LRRC4C: variants seen among roughly 807,000 people sequenced by gnomAD.
The protein encoded by LRRC4C is leucine-rich repeat-containing protein 4C.
Under a neutral mutation model 33.6 loss-of-function variants are expected in LRRC4C, and 5 were observed. The observed-to-expected ratio is 0.15, with a 90% CI of 0.08 to 0.31. LRRC4C has a LOEUF of 0.31. Among genes scored for constraint, LRRC4C ranks in the 10% least tolerant of loss-of-function variants. The pLI is 1.00. For missense variants in LRRC4C, 560 were observed against 796.7 expected, an observed-to-expected ratio of 0.70 and a Z score of 3.58; for synonymous variants, 329 against 302.0, an observed-to-expected ratio of 1.09 and a Z score of -0.93.
At chr11:41,249,611 T>C (rs934401081) in intron 1 of LRRC4C, among the ~76,000 whole-genome samples, 9 of 152,160 alleles carry the variant, frequency 5.9e-5, no homozygotes, top group Non-Finnish European at 1.3e-4. Flanking sequence ...AGCTCCTTAC[T>C]GTTCCTTAAA....
intron 2 of LRRC4C, among the ~76,000 whole-genome samples, chr11:40,692,713 C>A (rs1945279193): frequency 6.6e-6 from 1 of 151,912 alleles, no homozygotes; most frequent in South Asian, 2.1e-4. Flanking sequence ...TCTATTGTAC[C>A]AAATTACCTT....
chr11:40,677,967 A>T (rs1157458090), intron 2 of LRRC4C, among the ~76,000 whole-genome samples: 1 of 152,092 alleles, frequency 6.6e-6, no homozygotes, highest in African/African-American at 2.4e-5. Flanking sequence ...AGTTGGAAGA[A>T]GCCTGTGACT....
At chr11:40,329,156 T>C (rs778916016) in intron 3 of LRRC4C, among the ~76,000 whole-genome samples, 3 of 152,212 alleles carry the variant, frequency 2.0e-5, no homozygotes, top group Non-Finnish European at 2.9e-5. Flanking sequence ...TCTCATTATG[T>C]ATTCTGCTAA....
At chr11:40,345,412 G>A (rs1342360107) in intron 3 of LRRC4C, among the ~76,000 whole-genome samples, 1 of 152,102 alleles carries the variant, frequency 6.6e-6, no homozygotes, top group Non-Finnish European at 1.5e-5. Flanking sequence ...ACACCCATCT[G>A]ATCTTTGACA....
chr11:40,965,795 G>A lies in LRRC4C; in HGVS notation c.-495-32072C>T, dbSNP rs561737834. On this transcript the variant is annotated intron_variant, in intron 1 of 6. Transcript: ENST00000528697. ...AGCCTTGGAGTATAGTTTGAAGTCA[G>A]GTAGCGTGATGCCTCCAACTTTGTT... is the stretch of plus-strand genomic sequence containing the variant. Among the ~76,000 whole-genome samples, 6 of 151,978 alleles carry A rather than the reference G, an allele frequency of 3.9e-5. No homozygotes were observed. The South Asian group carries it at 1.2e-3, about 31-fold the overall frequency.
intron 2 of LRRC4C, among the ~76,000 whole-genome samples, chr11:40,660,690 G>C (rs1943387163): frequency 6.6e-6 from 1 of 152,038 alleles, no homozygotes; most frequent in Non-Finnish European, 1.5e-5. Flanking sequence ...CACCCCCACA[G>C]GACTCAAGCT....
At chr11:40,433,663 A>C (rs1280629767) in intron 3 of LRRC4C, among the ~76,000 whole-genome samples, 1 of 152,206 alleles carries the variant, frequency 6.6e-6, no homozygotes, top group African/African-American at 2.4e-5. Context: ...ATGTGCATGC[A>C]CATATATTCT....
chr11:41,143,262 G>T (rs1257450673), intron 1 of LRRC4C, among the ~76,000 whole-genome samples: 3 of 151,786 alleles, frequency 2.0e-5, no homozygotes, highest in Non-Finnish European at 4.4e-5. Context: ...GTCATCTTTG[G>T]ACAACATGAA....
intron 1 of LRRC4C, among the ~76,000 whole-genome samples, chr11:41,109,809 A>C (rs537012879): frequency 3.3e-5 from 5 of 152,034 alleles, no homozygotes; most frequent in Non-Finnish European, 7.4e-5. Context: ...ACCTAACTCA[A>C]AGTAACCCTT....
intron 1 of LRRC4C, among the ~76,000 whole-genome samples, chr11:41,062,273 GT>G (rs879854951): frequency 4.8e-4 from 73 of 152,252 alleles, no homozygotes; most frequent in Non-Finnish European, 7.8e-4. Context: ...AAAGGCACCA[GT>G]GTGTGTTGTT....
At chr11:40,791,639 T>C (rs1950625453) in intron 2 of LRRC4C, among the ~76,000 whole-genome samples, 1 of 152,196 alleles carries the variant, frequency 6.6e-6, no homozygotes, top group Non-Finnish European at 1.5e-5. Context: ...TTGCCTTTTG[T>C]ATATGAAACA....
chr11:40,364,518 T>G (rs1018924320), intron 3 of LRRC4C, among the ~76,000 whole-genome samples: 1 of 152,078 alleles, frequency 6.6e-6, no homozygotes, highest in Non-Finnish European at 1.5e-5. Context: ...AGAAACTACC[T>G]AGAATGAAAT....
intron 1 of LRRC4C, among the ~76,000 whole-genome samples, chr11:41,165,384 A>G (rs1181425119): frequency 3.3e-5 from 5 of 152,168 alleles, no homozygotes; most frequent in African/African-American, 1.2e-4. Flanking sequence ...AGAATTTCAC[A>G]GAGTTTTCTC....
At position 41,443,721 on chromosome 11, in the gene LRRC4C, T is replaced by C. The variant is rs542607181; in HGVS notation, c.-496+15710A>G. Among the ~76,000 whole-genome samples, 77 of 152,010 alleles carry C rather than the reference T, an allele frequency of 5.1e-4. 1 individual carries two copies. The highest frequency in any genetic ancestry group is 1.8e-3 in the African/African-American group (76 of 41,448). ...ACATCCGCCTACCAGGTTCATGTGA[T>C]TGTCCTGCCTCAGCCTCCTGAGTAG... On this transcript the variant is annotated intron_variant, in intron 1 of 6. Transcript: ENST00000528697.
chr11:41,059,918 G>A (rs1456539205), intron 1 of LRRC4C, among the ~76,000 whole-genome samples: 1 of 152,078 alleles, frequency 6.6e-6, no homozygotes, highest in Non-Finnish European at 1.5e-5. Context: ...CCAGCTACTC[G>A]GGGGTCTGAG....
chr11:40,876,261 T>A (rs887036752), intron 2 of LRRC4C, among the ~76,000 whole-genome samples: 1 of 2,342 alleles, frequency 4.3e-4, no homozygotes, highest in African/African-American at 8.3e-4. Context: ...TCAGTTAGGG[T>A]TTTTTTTTTT....
Position 40,452,991 on chromosome 11 carries a change from T to C in LRRC4C, c.-269-133270A>G, listed in dbSNP as rs139339740. Among the ~76,000 whole-genome samples, 6 of 123,358 alleles carry C rather than the reference T, an allele frequency of 4.9e-5. No homozygotes were observed. The East Asian group carries it at 1.3e-3, about 26-fold the overall frequency. The allele number at this position is 123,358 out of a possible 152,430, so 80.9% of individuals were successfully genotyped here. A position where few individuals can be genotyped will look rare whatever the true frequency, so the allele number is the denominator to read the frequency against. ...GTGGGAATCGAACAATGAGAACACA[T>C]GGACACAGGAAGGGGAACATCACAC... On this transcript the variant is annotated intron_variant, in intron 3 of 6. Transcript: ENST00000528697.
chr11:40,686,553 C>A (rs1944965842), intron 2 of LRRC4C, among the ~76,000 whole-genome samples: 2 of 151,850 alleles, frequency 1.3e-5, no homozygotes, highest in African/African-American at 4.8e-5. Context: ...TAATAGGTAG[C>A]CAGAGTCCAG....
At chr11:40,386,853 A>G (rs575841280) in intron 3 of LRRC4C, among the ~76,000 whole-genome samples, 1 of 152,274 alleles carries the variant, frequency 6.6e-6, no homozygotes, top group Non-Finnish European at 1.5e-5. Flanking sequence ...AAGCCGACAT[A>G]CATAATTCTA....
Sources: allele counts gnomAD v4.1 joint callset (sites outside exome capture counted in the v4.1 genomes callset), GRCh38; gene constraint gnomAD v4.1.1; transcripts MANE v1.5; gene names NCBI Gene and HGNC (gene_info 2026-07-23, HGNC 2026-07-21).